Variants in SIAH1 observed in about 807,000 individuals in gnomAD.
SIAH1 encodes the protein siah E3 ubiquitin protein ligase 1.
Under a neutral mutation model 20.0 loss-of-function variants are expected in SIAH1, and 2 were observed. The observed-to-expected ratio is 0.10, with a 90% CI of 0.04 to 0.31. The LOEUF (loss-of-function observed/expected upper bound fraction) is 0.31, where lower values mean the gene tolerates loss of function less well. SIAH1 is among the 10% of genes least tolerant of loss of function. The probability of loss-of-function intolerance (pLI) is 1.00; values close to 1 mark genes in which losing one functional copy is unlikely to be tolerated. For synonymous variants in SIAH1, 118 were observed against 125.3 expected (o/e 0.94, Z 0.39); for missense variants, 119 against 355.3 (o/e 0.33, Z 5.35).
At chr16:48,379,727 G>A (rs1209698957) in intron 1 of SIAH1, among the ~76,000 whole-genome samples, 1 of 152,200 alleles carries the variant, frequency 6.6e-6, no homozygotes, top group Non-Finnish European at 1.5e-5. Context: ...ACCGAGCAGA[G>A]TGCTATGGGA....
chr16:48,365,308 C>G lies in SIAH1; in HGVS notation c.-2-2878G>C. ...ACGTCTCGATTCTGCTGCAGCCATTCCCTAAGCCAGGCAGGTTCCACTGAC... is the reference window on the plus strand; with the variant it reads ...ACGTCTCGATTCTGCTGCAGCCATTGCCTAAGCCAGGCAGGTTCCACTGAC... On this transcript the variant is annotated intron_variant, in intron 1 of 1. Coordinates refer to ENST00000394725, the MANE Select transcript of SIAH1 (RefSeq NM_003031.4). 3 of 1,477,888 alleles carry G rather than the reference C, an allele frequency of 2.0e-6. No homozygotes were observed. In the South Asian group the frequency reaches 3.5e-5, roughly 17 times the overall value. 91.5% of individuals were successfully genotyped at this position (1,477,888 alleles called of 1,614,324 possible).
At chr16:48,367,553 T>A (rs1409352488) in intron 1 of SIAH1, among the ~76,000 whole-genome samples, 1 of 152,230 alleles carries the variant, frequency 6.6e-6, no homozygotes, top group African/African-American at 2.4e-5. Flanking sequence ...GATGGGTAAT[T>A]TATGTGTATC....
In SIAH1 at chr16:48,367,333, A is replaced by C. The variant is rs187719929; in HGVS notation, c.-2-4903T>G. ...TTATTTCTCAAGCAAAAGATATTTC[A>C]CTGTTTACCAAACTCCAAAAGATCT... On this transcript the variant is annotated intron_variant, in intron 1 of 1. Coordinates refer to ENST00000394725, the MANE Select transcript of SIAH1 (RefSeq NM_003031.4). Among the ~76,000 whole-genome samples, 1,085 of 152,350 alleles carry C rather than the reference A, an allele frequency of 7.1e-3. 9 individuals are homozygous for C. Among genetic ancestry groups the C allele is most frequent in the Middle Eastern group, 0.027 (8 of 294 alleles).
At position 48,373,679 on chromosome 16, in the gene SIAH1, T is replaced by TA. The variant is rs776333680; in HGVS notation, c.-2-11250dup. On this transcript the variant is annotated intron_variant, in intron 1 of 1. Transcript: ENST00000394725. ...CCTAATATGTTCTGAGCACAGCAAT[T>TA]AGATTAATTAATCCAGCTCCGTTTT... 1.1e-4 allele frequency among the ~76,000 whole-genome samples: 16 copies of TA among 152,304 alleles called. No homozygotes were observed. The East Asian group carries it at 2.9e-3, about 28-fold the overall frequency.
chr16:48,364,608 G>T (rs893435238), intron 1 of SIAH1, among the ~76,000 whole-genome samples: 2 of 152,208 alleles, frequency 1.3e-5, no homozygotes, highest in African/African-American at 4.8e-5. Context: ...GAGCTCTCCT[G>T]TAATCCAGTT....
At chr16:48,364,519 G>T (rs924851446) in intron 1 of SIAH1, among the ~76,000 whole-genome samples, 7 of 152,156 alleles carry the variant, frequency 4.6e-5, no homozygotes, top group African/African-American at 1.7e-4. Context: ...TCATCATATG[G>T]ACTCAGAACA....
At chr16:48,366,519 C>T (rs1173837245) in intron 1 of SIAH1, among the ~76,000 whole-genome samples, 2 of 152,218 alleles carry the variant, frequency 1.3e-5, no homozygotes, top group Non-Finnish European at 2.9e-5. Context: ...AGAGATTATA[C>T]TCTCTTCCCA....
In SIAH1 at chr16:48,383,273, T is replaced by C. The variant is rs1437252999; in HGVS notation, c.-3+1931A>G. Among the ~76,000 whole-genome samples the C allele has an allele frequency of 2.0e-5, 3 of 152,208 alleles. No homozygotes were observed. In the East Asian group the frequency reaches 5.8e-4, roughly 29 times the overall value. On this transcript the variant is annotated intron_variant, in intron 1 of 1. Transcript: ENST00000394725. ...AACTTTGGGGAACAAATTCTGGATA[T>C]AATCGCAACTAACCATCCAAGATTA...
chr16:48,374,813 A>T (rs1363050233), intron 1 of SIAH1, among the ~76,000 whole-genome samples: 1 of 152,254 alleles, frequency 6.6e-6, no homozygotes, highest in African/African-American at 2.4e-5. Flanking sequence ...ACATGGCTCA[A>T]ACTGAATAAC....
intron 1 of SIAH1, among the ~76,000 whole-genome samples, chr16:48,380,795 G>C (rs1429267068): frequency 6.6e-6 from 1 of 151,924 alleles, no homozygotes; most frequent in Non-Finnish European, 1.5e-5. Flanking sequence ...GGGCGTGGTG[G>C]TGTATGCCTC....
intron 1 of SIAH1, among the ~76,000 whole-genome samples, chr16:48,373,782 T>G (rs370727986): frequency 6.6e-6 from 1 of 152,206 alleles, no homozygotes; most frequent in African/African-American, 2.4e-5. Context: ...ATCCTAAAAA[T>G]AGCCCACAAG....
chr16:48,370,550 G>A (rs1433033309), intron 1 of SIAH1, among the ~76,000 whole-genome samples: 1 of 152,124 alleles, frequency 6.6e-6, no homozygotes, highest in East Asian at 1.9e-4. Flanking sequence ...TGGGCGCGGT[G>A]GCTCGTGCCT....
At chr16:48,374,348 G>A (rs530150351) in intron 1 of SIAH1, among the ~76,000 whole-genome samples, 4 of 152,198 alleles carry the variant, frequency 2.6e-5, no homozygotes, top group Non-Finnish European at 5.9e-5. Context: ...AACATCCAAA[G>A]TCAGAAAGCA....
intron 1 of SIAH1, among the ~76,000 whole-genome samples, chr16:48,380,434 G>C (rs74417185): frequency 6.6e-6 from 1 of 151,120 alleles, no homozygotes; most frequent in Non-Finnish European, 1.5e-5. Flanking sequence ...GTCTGGACAA[G>C]AGTAAGACTC....
chr16:48,364,076 A>C (rs1345987354), intron 1 of SIAH1, among the ~76,000 whole-genome samples: 1 of 148,722 alleles, frequency 6.7e-6, no homozygotes, highest in East Asian at 2.0e-4. Flanking sequence ...CAGCCTCCCA[A>C]GTAGCTGGGA....
intron 1 of SIAH1, among the ~76,000 whole-genome samples, chr16:48,384,034 A>G (rs543240350): frequency 2.0e-4 from 30 of 152,372 alleles, no homozygotes; most frequent in African/African-American, 7.2e-4. Flanking sequence ...AGATAAGGAA[A>G]GCGAAGCACA....
At chr16:48,369,765 G>A (rs1960936308) in intron 1 of SIAH1, among the ~76,000 whole-genome samples, 1 of 152,142 alleles carries the variant, frequency 6.6e-6, no homozygotes, top group Non-Finnish European at 1.5e-5. Flanking sequence ...AACAATGCAA[G>A]CCCTTCAACA....
At chr16:48,385,580 T>G (rs1320820449), upstream of SIAH1, 1 of 152,010 alleles carries the variant, frequency 6.6e-6, no homozygotes, top group East Asian at 1.9e-4. Context: ...TGTGCGGGTC[T>G]CCAAAGGCGG....
chr16:48,381,145 G>A (rs978740945), intron 1 of SIAH1, among the ~76,000 whole-genome samples: 5 of 151,850 alleles, frequency 3.3e-5, no homozygotes, highest in African/African-American at 4.8e-5. Context: ...AGGAGATCAA[G>A]ACCAGCCTGG....
Sources: allele counts gnomAD v4.1 joint callset (sites outside exome capture counted in the v4.1 genomes callset), GRCh38; gene constraint gnomAD v4.1.1; transcripts MANE v1.5; gene names NCBI Gene and HGNC (gene_info 2026-07-23, HGNC 2026-07-21).